The following VSTM2A variants were observed in gnomAD, a reference collection of about 807,000 sequenced individuals.
The protein encoded by VSTM2A is V-set and transmembrane domain containing 2A, also known as V-set and transmembrane domain-containing protein 2A.
VSTM2A carries 13 observed loss-of-function variants against 27.3 expected under a neutral mutation model. The observed-to-expected ratio is 0.48, with a 90% CI of 0.31 to 0.76. VSTM2A has a LOEUF of 0.76. Ranked by LOEUF, VSTM2A falls within the 30% of genes least tolerant of loss-of-function variation. The pLI is 0.05. For synonymous variants in VSTM2A, 142 were observed against 125.7 expected, an observed-to-expected ratio of 1.13 and a Z score of -0.87; for missense variants, 280 against 310.0, an observed-to-expected ratio of 0.90 and a Z score of 0.73.
In VSTM2A at chr7:54,570,872, A is replaced by C. The variant is rs1351595605; in HGVS notation, c.*1653A>C. 1.3e-5 allele frequency: 2 copies of C among 152,186 alleles called. No homozygotes were observed. The highest frequency in any genetic ancestry group is 2.9e-5 in the Non-Finnish European group (2 of 68,018). 9.4% of individuals were successfully genotyped at this position (152,186 alleles called of 1,614,324 possible). A position where few individuals can be genotyped will look rare whatever the true frequency, so the allele number is the denominator to read the frequency against. ...TATAACCCGAAGCTTGAAGGCAATCAGTACCTCTGCTTTTCAAAGGTAAAT... is the reference window on the plus strand; with the variant it reads ...TATAACCCGAAGCTTGAAGGCAATCCGTACCTCTGCTTTTCAAAGGTAAAT... On this transcript the variant is annotated 3_prime_UTR_variant, in exon 5 of 5. Transcript: ENST00000402613.
chr7:54,564,410 A>C (rs1452460291), intron 4 of VSTM2A, among the ~76,000 whole-genome samples: 1 of 152,218 alleles, frequency 6.6e-6, no homozygotes, highest in East Asian at 1.9e-4. Flanking sequence ...AATGCTGCAG[A>C]ACGATGCCCT....
At chr7:54,553,233 CT>C (rs1214141412) in intron 4 of VSTM2A, among the ~76,000 whole-genome samples, 1 of 152,180 alleles carries the variant, frequency 6.6e-6, no homozygotes, top group African/African-American at 2.4e-5. Context: ...ACTTAAAATT[CT>C]TTTTTATCTT....
At chr7:54,552,123 C>T (rs1788219729) in intron 4 of VSTM2A, 1 of 152,122 alleles carries the variant, frequency 6.6e-6, no homozygotes, top group South Asian at 2.1e-4. Context: ...GCCAGCCTTG[C>T]TGTCAGATTC....
At chr7:54,556,429 G>T (rs952910225) in intron 4 of VSTM2A, among the ~76,000 whole-genome samples, 1 of 152,212 alleles carries the variant, frequency 6.6e-6, no homozygotes, top group African/African-American at 2.4e-5. Context: ...AAGTCATTGG[G>T]AGGAGGGAGA....
intron 4 of VSTM2A, among the ~76,000 whole-genome samples, chr7:54,568,016 A>C (rs1025431807): frequency 3.3e-5 from 5 of 152,230 alleles, no homozygotes; most frequent in Admixed American, 3.3e-4. Context: ...GGTCTTCTCC[A>C]GTCACTAGGT....
At chr7:54,548,227 CT>C (rs780187606) in intron 3 of VSTM2A, among the ~76,000 whole-genome samples, 3 of 152,132 alleles carry the variant, frequency 2.0e-5, no homozygotes, top group South Asian at 2.1e-4. Context: ...ATCCTGACCC[CT>C]GATGCATACA....
intron 3 of VSTM2A, among the ~76,000 whole-genome samples, chr7:54,548,177 C>T (rs1259825510): frequency 1.3e-5 from 2 of 152,094 alleles, no homozygotes; most frequent in African/African-American, 4.8e-5. Flanking sequence ...CACCCGTCCC[C>T]CTATCATCTA....
chr7:54,568,482 A>G (rs1422499993), intron 4 of VSTM2A, among the ~76,000 whole-genome samples: 1 of 152,082 alleles, frequency 6.6e-6, no homozygotes, highest in Non-Finnish European at 1.5e-5. Context: ...GAGCTCTTTC[A>G]GGAGTTTCCA....
intron 4 of VSTM2A, among the ~76,000 whole-genome samples, chr7:54,565,528 A>G (rs1373621359): frequency 2.6e-5 from 4 of 152,232 alleles, no homozygotes; most frequent in Non-Finnish European, 5.9e-5. Flanking sequence ...AAGGCAACTG[A>G]GCACTTCTAC....
At chr7:54,552,745 A>G (rs2115836075) in intron 4 of VSTM2A, among the ~76,000 whole-genome samples, 1 of 152,364 alleles carries the variant, frequency 6.6e-6, no homozygotes, top group South Asian at 2.1e-4. Flanking sequence ...AAGCACAAAA[A>G]TCAAAATCTT....
At chr7:54,565,192 C>T (rs1788683656) in intron 4 of VSTM2A, among the ~76,000 whole-genome samples, 1 of 152,220 alleles carries the variant, frequency 6.6e-6, no homozygotes, top group Non-Finnish European at 1.5e-5. Flanking sequence ...GACCACATTG[C>T]TGTTTCTTCA....
chr7:54,556,451 G>A lies in VSTM2A; in HGVS notation c.634+6281G>A, dbSNP rs540930646. On this transcript the variant is annotated intron_variant, in intron 4 of 4. Coordinates refer to ENST00000402613, the MANE Select transcript of VSTM2A (RefSeq NM_001301009.2). ...TGGGAGGAGGGAGATGAGGGACTGA[G>A]GGTCTTTGCAGGGAGAGTGCTTGTC... 1.4e-4 allele frequency among the ~76,000 whole-genome samples: 22 copies of A among 152,272 alleles called. No individual in the cohort carries two copies. In the South Asian group the frequency reaches 3.7e-3, roughly 26 times the overall value.
rs147150647 is a variant in VSTM2A at position 54,547,174 on chromosome 7, A to T, written c.297+177A>T. On this transcript the variant is annotated intron_variant, in intron 3 of 4. Coordinates refer to ENST00000402613, the MANE Select transcript of VSTM2A (RefSeq NM_001301009.2). ...ATTTAGAGTCCCTAAATAAAATTAC[A>T]TATTTTAGTCACGTAAATGTCTAAA... 2.4e-4 allele frequency: 144 copies of T among 595,632 alleles called. No individual in the cohort carries two copies. In the African/African-American group the frequency reaches 2.6e-3, roughly 11 times the overall value. 36.9% of individuals were successfully genotyped at this position (595,632 alleles called of 1,614,324 possible). A position where few individuals can be genotyped will look rare whatever the true frequency, so the allele number is the denominator to read the frequency against.
At chr7:54,542,910 G>T in intron 1 of VSTM2A, 101 bp downstream of exon 1, 2 of 1,095,434 alleles carry the variant, frequency 1.8e-6, no homozygotes, top group Non-Finnish European at 1.4e-6. Context: ...TTCCTAGCAA[G>T]TAACAGTGGG....
chr7:54,562,359 G>A (rs1244158365), intron 4 of VSTM2A, among the ~76,000 whole-genome samples: 1 of 151,810 alleles, frequency 6.6e-6, no homozygotes, highest in African/African-American at 2.4e-5. Flanking sequence ...TTCACTCTGA[G>A]TTCCTCAGTT....
At chr7:54,548,720 A>G (rs1788082982) in intron 3 of VSTM2A, among the ~76,000 whole-genome samples, 1 of 152,172 alleles carries the variant, frequency 6.6e-6, no homozygotes, top group Admixed American at 6.5e-5. Flanking sequence ...ATGTAATTTT[A>G]TATACACATA....
intron 2 of VSTM2A, 55 bp from the exon 3 acceptor site, chr7:54,546,892 A>G (rs657449): frequency 0.39 from 623,482 of 1,586,636 alleles, 124,331 homozygotes; most frequent in African/African-American, 0.55. Context: ...CTCGCGTGGG[A>G]GCGGGTGGTC....
intron 2 of VSTM2A, among the ~76,000 whole-genome samples, chr7:54,545,069 C>G (rs1419145020): frequency 6.6e-6 from 1 of 152,134 alleles, no homozygotes; most frequent in African/African-American, 2.4e-5. Flanking sequence ...CCCGCCTTGC[C>G]CCTACCACGC....
Position 54,546,931 on chromosome 7 carries a change from C to T in VSTM2A, c.247-16C>T, listed in dbSNP as rs1237011116. The T allele has an allele frequency of 3.1e-6, 5 of 1,598,140 alleles. No individual in the cohort carries two copies. The highest frequency in any genetic ancestry group is 3.4e-5 in the Admixed American group (2 of 59,198). The stretch of plus-strand genomic sequence containing the variant: ...CGGGCCTGGCGCGGGACTGAGCGTT[C>T]GCTCCTTGCCCGCAGGTGGAGCTCT... On this transcript the variant is annotated splice_polypyrimidine_tract_variant and intron_variant, in intron 2 of 4. Coordinates refer to ENST00000402613, the MANE Select transcript of VSTM2A (RefSeq NM_001301009.2).
Sources: gnomAD v4.1 joint callset for allele counts (sites outside exome capture counted in the v4.1 genomes callset) on GRCh38, gnomAD v4.1.1 for gene constraint, MANE v1.5 for transcripts, NCBI Gene and HGNC (gene_info 2026-07-23, HGNC 2026-07-21) for gene names.